The following PNLIP variants were observed in gnomAD, a reference collection of about 807,000 sequenced individuals.
PNLIP encodes pancreatic triacylglycerol lipase.
A neutral mutation model predicts 57.1 loss-of-function variants in PNLIP; 49 were observed. That is an observed-to-expected ratio of 0.86 (90% CI 0.68 to 1.09). PNLIP has a LOEUF of 1.09. PNLIP is among the 50% of genes least tolerant of loss of function. PNLIP has a pLI of 0.00. For synonymous variants in PNLIP, 209 were observed against 200.4 expected (o/e 1.04, Z -0.36); for missense variants, 503 against 570.2 (o/e 0.88, Z 1.20).
At chr10:116,558,376 A>G (rs1161551313) in intron 9 of PNLIP, among the ~76,000 whole-genome samples, 2 of 151,102 alleles carry the variant, frequency 1.3e-5, no homozygotes, top group African/African-American at 2.4e-5. Flanking sequence ...TTGTATTTTT[A>G]GTAGAGACGG....
chr10:116,554,189 A>G (rs188506461), intron 6 of PNLIP, among the ~76,000 whole-genome samples: 1 of 152,316 alleles, frequency 6.6e-6, no homozygotes, highest in African/African-American at 2.4e-5. Context: ...TAGAATATGA[A>G]TTAAGGACAT....
intron 4 of PNLIP, among the ~76,000 whole-genome samples, chr10:116,548,903 T>C (rs1011808536): frequency 3.9e-5 from 6 of 152,234 alleles, no homozygotes; most frequent in Non-Finnish European, 8.8e-5. Context: ...GGATCTCCTC[T>C]GGTAGCAATA....
At chr10:116,551,849 G>A (rs1847197248) in intron 5 of PNLIP, among the ~76,000 whole-genome samples, 3 of 152,130 alleles carry the variant, frequency 2.0e-5, no homozygotes, top group Admixed American at 6.5e-5. Context: ...CAAGTGCTTT[G>A]GAAAGGCAGT....
Position 116,551,197 on chromosome 10 carries a change from G to C in PNLIP, c.424G>C (p.Gly142Arg), listed in dbSNP as rs1358623419. 1 of 1,612,078 alleles carries C rather than the reference G, an allele frequency of 6.2e-7. No individual in the cohort carries two copies. The highest frequency in any genetic ancestry group is 1.7e-5 in the Admixed American group (1 of 59,864). Residue 142 changes from glycine to arginine, a missense_variant, in exon 5 of 13, where the codon GGA becomes CGA. Transcript: ENST00000369221. ...TQASQNIRIV[G>R]AEVAYFVEFL... ...AGCCTCGCAGAACATCAGGATCGTG[G>C]GAGCAGAAGTGGCATATTTTGTTGA...
At chr10:116,559,401 G>A in intron 10 of PNLIP, 118 bp downstream of exon 10, 2 of 727,138 alleles carry the variant, frequency 2.8e-6, no homozygotes, top group Non-Finnish European at 2.2e-6. Context: ...CCTCTGCAAG[G>A]TGGAAAAATG....
At chr10:116,546,791 G>A (rs570015254) in intron 2 of PNLIP, among the ~76,000 whole-genome samples, 1 of 152,296 alleles carries the variant, frequency 6.6e-6, no homozygotes, top group East Asian at 1.9e-4. Context: ...GCCTAGAGTT[G>A]TGTTAAACCA....
intron 12 of PNLIP, among the ~76,000 whole-genome samples, chr10:116,567,135 CTT>C (rs1334008798): frequency 2.6e-4 from 36 of 141,124 alleles, no homozygotes; most frequent in African/African-American, 8.9e-4. Context: ...TTCTTTCTTT[CTT>C]TCTTTTCTTC....
chr10:116,546,638 C>T (rs545104070), intron 2 of PNLIP, among the ~76,000 whole-genome samples: 3 of 152,294 alleles, frequency 2.0e-5, no homozygotes, highest in East Asian at 1.9e-4. Context: ...AACCATCCAA[C>T]CCAGCACCTG....
At chr10:116,559,099 G>T (rs2133205776) in intron 9 of PNLIP, 55 bp from the exon 10 acceptor site, 1 of 1,572,604 alleles carries the variant, frequency 6.4e-7, no homozygotes, top group East Asian at 2.3e-5. Flanking sequence ...TAGGAAATAT[G>T]GTACACAACT....
chr10:116,553,963 A>G (rs539211605), intron 6 of PNLIP, 125 bp downstream of exon 6: 177 of 540,368 alleles, frequency 3.3e-4, no homozygotes, highest in African/African-American at 3.0e-3. Flanking sequence ...AAAAAAGAAA[A>G]AAAGGACGCT....
At position 116,551,244 on chromosome 10, in the gene PNLIP, C is replaced by A; in HGVS notation, c.459+12C>A. 6.3e-7 allele frequency: 1 copy of A among 1,592,236 alleles called. No individual in the cohort carries two copies. The highest frequency in any genetic ancestry group is 8.6e-7 in the Non-Finnish European group (1 of 1,168,514). On this transcript the variant is annotated intron_variant, in intron 5 of 12. Transcript: ENST00000369221. ...TTGAATTTCTTCAGGTAATTACTCCCGGATTGCATAAAAGCCTGTACACAT... is the reference window on the plus strand; with the variant it reads ...TTGAATTTCTTCAGGTAATTACTCCAGGATTGCATAAAAGCCTGTACACAT...
At chr10:116,564,043 G>A (rs571770797) in intron 12 of PNLIP, among the ~76,000 whole-genome samples, 2 of 152,072 alleles carry the variant, frequency 1.3e-5, no homozygotes, top group Admixed American at 1.3e-4. Context: ...TTTCAAACAT[G>A]GTGAAAACTA....
chr10:116,553,254 C>T (rs1029262072), intron 5 of PNLIP, among the ~76,000 whole-genome samples: 1 of 152,198 alleles, frequency 6.6e-6, no homozygotes, highest in Admixed American at 6.5e-5. Flanking sequence ...TATAGGCACC[C>T]ACCACCACGC....
chr10:116,564,086 C>T (rs1847341139), intron 12 of PNLIP, among the ~76,000 whole-genome samples: 1 of 151,916 alleles, frequency 6.6e-6, no homozygotes, highest in South Asian at 2.1e-4. Flanking sequence ...TCACAAGAAA[C>T]ATGAAGAAAA....
At chr10:116,547,268 A>G (rs1035350557) in intron 2 of PNLIP, 26 bp from the exon 3 acceptor site, 2 of 1,611,952 alleles carry the variant, frequency 1.2e-6, no homozygotes, top group African/African-American at 1.3e-5. Context: ...TGTTTGTAAA[A>G]CTAATATCCT....
At chr10:116,549,343 G>C (rs1400584786) in intron 4 of PNLIP, among the ~76,000 whole-genome samples, 3 of 152,110 alleles carry the variant, frequency 2.0e-5, no homozygotes, top group Non-Finnish European at 4.4e-5. Context: ...GCCAGGTATG[G>C]TGGCACGCAC....
chr10:116,561,875 C>T (rs1470942827), intron 12 of PNLIP, among the ~76,000 whole-genome samples: 1 of 152,110 alleles, frequency 6.6e-6, no homozygotes, highest in Non-Finnish European at 1.5e-5. Context: ...AATGAGAAAC[C>T]GGCTTCATGA....
At chr10:116,547,569 A>G (rs1847142399) in intron 3 of PNLIP, 121 bp downstream of exon 3, 3 of 765,700 alleles carry the variant, frequency 3.9e-6, no homozygotes, top group East Asian at 2.7e-5. Context: ...TACTAAAAAT[A>G]CAAACAATTA....
intron 10 of PNLIP, 53 bp from the exon 11 acceptor site, chr10:116,560,363 T>G: frequency 2.3e-6 from 2 of 886,156 alleles, no homozygotes; most frequent in African/African-American, 1.7e-5. Flanking sequence ...ATTAACTTGT[T>G]TTTAGTGTCT....
Sources: allele counts gnomAD v4.1 joint callset (sites outside exome capture counted in the v4.1 genomes callset), GRCh38; gene constraint gnomAD v4.1.1; transcripts MANE v1.5; gene names NCBI Gene and HGNC (gene_info 2026-07-23, HGNC 2026-07-21).